Variants in TSPAN3 observed in about 807,000 individuals in gnomAD.
TSPAN3 encodes the protein tetraspanin-3.
Under a neutral mutation model 31.1 loss-of-function variants are expected in TSPAN3, and 9 were observed. The observed-to-expected ratio is 0.29, with a 90% CI of 0.17 to 0.50. The LOEUF (loss-of-function observed/expected upper bound fraction) is 0.50, where lower values mean the gene tolerates loss of function less well. TSPAN3 is among the 20% of genes least tolerant of loss of function. TSPAN3 has a pLI of 0.98. For missense variants in TSPAN3, 252 were observed against 313.5 expected (o/e 0.80, Z 1.48); for synonymous variants, 129 against 114.3 (o/e 1.13, Z -0.82).
At position 77,052,957 on chromosome 15, in the gene TSPAN3, T is replaced by G. The variant is rs752239477; in HGVS notation, c.433-28A>C. The G allele has an allele frequency of 3.1e-6, 5 of 1,597,382 alleles. No individual in the cohort carries two copies. The South Asian group carries it at 4.5e-5, about 14-fold the overall frequency. On this transcript the variant is annotated intron_variant, in intron 4 of 6. Coordinates refer to ENST00000267970, the MANE Select transcript of TSPAN3 (RefSeq NM_005724.6). The stretch of plus-strand genomic sequence containing the variant: ...AAAGGAGAAGAGAATAAGTATTATT[T>G]CTCACAAAAACCAAATACCTGAAGT...
intron 4 of TSPAN3, among the ~76,000 whole-genome samples, chr15:77,053,582 A>C (rs2076747534): frequency 6.6e-6 from 1 of 150,658 alleles, no homozygotes; most frequent in South Asian, 2.1e-4. Flanking sequence ...GTTCCATGTT[A>C]AATATTATTT....
intron 1 of TSPAN3, 140 bp from the exon 2 acceptor site, chr15:77,056,395 C>T (rs544604763): frequency 3.8e-5 from 23 of 600,102 alleles, no homozygotes; most frequent in Middle Eastern, 4.2e-4. Context: ...TCTATGATTC[C>T]TTGTTAAGAG....
At chr15:77,070,433 T>A (rs969188420) in intron 1 of TSPAN3, among the ~76,000 whole-genome samples, 1 of 151,576 alleles carries the variant, frequency 6.6e-6, no homozygotes, top group Non-Finnish European at 1.5e-5. Flanking sequence ...CTCCGCAGCG[T>A]CCCCGCGGAT....
Position 77,042,506 on chromosome 15 carries a change from G to A in TSPAN3, c.*4329C>T, listed in dbSNP as rs2076665735. 1.3e-5 allele frequency: 2 copies of A among 152,130 alleles called. No homozygotes were observed. Among genetic ancestry groups the A allele is most frequent in the African/African-American group, 4.8e-5 (2 of 41,406 alleles). 9.4% of individuals were successfully genotyped at this position (152,130 alleles called of 1,614,324 possible). A position where few individuals can be genotyped will look rare whatever the true frequency, so the allele number is the denominator to read the frequency against. ...CTTCCAAAAATGCTGGGATATAGGAGGCACTCGAAGGGGCTCTCGCTGGCC... is the reference window on the plus strand; with the variant it reads ...CTTCCAAAAATGCTGGGATATAGGAAGCACTCGAAGGGGCTCTCGCTGGCC... On this transcript the variant is annotated 3_prime_UTR_variant, in exon 7 of 7. Transcript: ENST00000267970.
chr15:77,063,995 C>T (rs2076815584), intron 1 of TSPAN3: 1 of 152,168 alleles, frequency 6.6e-6, no homozygotes, highest in Non-Finnish European at 1.5e-5. Flanking sequence ...TAGAGTTCAT[C>T]CACACTTGGG....
intron 1 of TSPAN3, among the ~76,000 whole-genome samples, chr15:77,065,395 T>C (rs1435304565): frequency 6.6e-6 from 1 of 152,224 alleles, no homozygotes; most frequent in Non-Finnish European, 1.5e-5. Flanking sequence ...TCCTTAATTA[T>C]ATACATTCAC....
At position 77,069,702 on chromosome 15, in the gene TSPAN3, T is replaced by C. The variant is rs187783630; in HGVS notation, c.63+1190A>G. ...TCAGGATATGAAGTTTTATCCCTTGTTGGGGGGTCGGGGGAGGAGGAAAGG... is the reference window on the plus strand; with the variant it reads ...TCAGGATATGAAGTTTTATCCCTTGCTGGGGGGTCGGGGGAGGAGGAAAGG... On this transcript the variant is annotated intron_variant, in intron 1 of 6. Coordinates refer to ENST00000267970, the MANE Select transcript of TSPAN3 (RefSeq NM_005724.6). Among the ~76,000 whole-genome samples the C allele has an allele frequency of 7.2e-5, 11 of 152,146 alleles. No individual in the cohort carries two copies. In the East Asian group the frequency reaches 1.7e-3, roughly 24 times the overall value.
At chr15:77,059,074 A>AATTTT (rs548966469) in intron 1 of TSPAN3, among the ~76,000 whole-genome samples, 1 of 152,040 alleles carries the variant, frequency 6.6e-6, no homozygotes, top group Non-Finnish European at 1.5e-5. Context: ...AATTTATCTT[A>AATTTT]ATTTTATTTT....
At chr15:77,048,157 T>C (rs1008882514) in intron 6 of TSPAN3, among the ~76,000 whole-genome samples, 1 of 152,210 alleles carries the variant, frequency 6.6e-6, no homozygotes, top group Non-Finnish European at 1.5e-5. Context: ...AGGTGAATAT[T>C]ATTTAAAGTT....
intron 1 of TSPAN3, chr15:77,067,651 G>A (rs1003134181): frequency 6.6e-6 from 1 of 152,004 alleles, no homozygotes; most frequent in African/African-American, 2.4e-5. Flanking sequence ...AGGAGGGAGG[G>A]GCCAGCATAT....
Position 77,052,367 on chromosome 15 carries a change from T to C in TSPAN3, c.669+18A>G, listed in dbSNP as rs1405561329. 3 of 1,612,940 alleles carry C rather than the reference T, an allele frequency of 1.9e-6. No homozygotes were observed. Among genetic ancestry groups the C allele is most frequent in the Non-Finnish European group, 2.5e-6 (3 of 1,178,868 alleles). On this transcript the variant is annotated intron_variant, in intron 6 of 6. Coordinates refer to ENST00000267970, the MANE Select transcript of TSPAN3 (RefSeq NM_005724.6). Reference sequence around the variant, plus strand: ...AACCAACTCACTCCGATAGAACTCCTTGGCAAGCTGTGCTTACCTGAATAG... The same window carrying C: ...AACCAACTCACTCCGATAGAACTCCCTGGCAAGCTGTGCTTACCTGAATAG...
Position 77,071,038 on chromosome 15 carries a change from C to T in TSPAN3, c.-84G>A. ...CGGCAATGGCGGCGGCGCCTCCTCG[C>T]TAGGAACTGCACGGCCTGCGCGGCG... On this transcript the variant is annotated 5_prime_UTR_variant, in exon 1 of 7. Transcript: ENST00000267970. 9.8e-7 allele frequency: 1 copy of T among 1,016,554 alleles called. No homozygotes were observed. The highest frequency in any genetic ancestry group is 1.3e-6 in the Non-Finnish European group (1 of 768,716). 63.0% of individuals were successfully genotyped at this position (1,016,554 alleles called of 1,614,324 possible).
At chr15:77,067,824 G>A (rs887352863) in intron 1 of TSPAN3, 2 of 152,160 alleles carry the variant, frequency 1.3e-5, no homozygotes, top group African/African-American at 4.8e-5. Context: ...AAATCAGCAT[G>A]CTTTAGAGAA....
At chr15:77,060,439 T>C (rs150487150) in intron 1 of TSPAN3, among the ~76,000 whole-genome samples, 5 of 152,300 alleles carry the variant, frequency 3.3e-5, no homozygotes, top group East Asian at 1.9e-4. Flanking sequence ...CCAAAAGTAA[T>C]TGTTGTAATG....
intron 1 of TSPAN3, chr15:77,068,447 CTAATT>C (rs2076846873): frequency 6.6e-6 from 1 of 152,146 alleles, no homozygotes; most frequent in Non-Finnish European, 1.5e-5. Context: ...AAATAAAAAT[CTAATT>C]TAAAGAAAAT....
intron 1 of TSPAN3, among the ~76,000 whole-genome samples, chr15:77,058,377 C>T (rs1350932625): frequency 1.3e-5 from 2 of 152,232 alleles, no homozygotes; most frequent in African/African-American, 2.4e-5. Context: ...TCTCTCACTT[C>T]TTTGCCTCCG....
intron 1 of TSPAN3, among the ~76,000 whole-genome samples, chr15:77,065,297 A>AT (rs898004806): frequency 2.0e-5 from 3 of 152,136 alleles, no homozygotes; most frequent in Admixed American, 6.5e-5. Context: ...AAGAATAGGG[A>AT]TTTTTCACTG....
intron 1 of TSPAN3, among the ~76,000 whole-genome samples, chr15:77,060,595 G>C (rs1324222910): frequency 6.6e-6 from 1 of 151,982 alleles, no homozygotes; most frequent in Non-Finnish European, 1.5e-5. Context: ...GTGGCTATCA[G>C]AAAAGCTATA....
chr15:77,052,252 G>A (rs1349279476), intron 6 of TSPAN3, 133 bp downstream of exon 6: 1 of 727,176 alleles, frequency 1.4e-6, no homozygotes, highest in East Asian at 2.7e-5. Context: ...TGGGAAACTG[G>A]AGGCCAGTAC....
Sources: allele counts gnomAD v4.1 joint callset (sites outside exome capture counted in the v4.1 genomes callset), GRCh38; gene constraint gnomAD v4.1.1; transcripts MANE v1.5; gene names NCBI Gene and HGNC (gene_info 2026-07-23, HGNC 2026-07-21).